Variants in LILRA2 observed in about 807,000 individuals in gnomAD.
LILRA2 encodes leukocyte immunoglobulin-like receptor subfamily A member 2.
In LILRA2, 45 loss-of-function variants were observed where a neutral mutation model predicts 47.9. That is an observed-to-expected ratio of 0.94 (90% CI 0.74 to 1.20). LILRA2 has a LOEUF of 1.20. Ranked by LOEUF, LILRA2 falls within the 50% of genes most tolerant of loss-of-function variation. LILRA2 has a pLI of 0.00. For missense variants in LILRA2, 651 were observed against 598.2 expected (o/e 1.09, Z -0.92); for synonymous variants, 279 against 249.2 (o/e 1.12, Z -1.13).
intron 6 of LILRA2, chr19:54,577,533 G>C (rs1417500308): frequency 7.8e-7 from 1 of 1,289,776 alleles, no homozygotes; most frequent in East Asian, 5.5e-5. Flanking sequence ...AAGAGAGGAG[G>C]CTGCTTGGGC....
At chr19:54,586,232 A>G (rs1306325268) in intron 6 of LILRA2, among the ~76,000 whole-genome samples, 1 of 152,214 alleles carries the variant, frequency 6.6e-6, no homozygotes, top group Non-Finnish European at 1.5e-5. Context: ...TTTTATATGT[A>G]TTCATCCATA....
chr19:54,590,110 A>G lies in LILRA2; in HGVS notation c.*2764A>G, dbSNP rs1408531855. ...AAAAATGTCAACTATTTCCTTTGCAAGTATTTATTGACTAACATACTCCTT... is the reference window on the plus strand; with the variant it reads ...AAAAATGTCAACTATTTCCTTTGCAGGTATTTATTGACTAACATACTCCTT... On this transcript the variant is annotated 3_prime_UTR_variant, in exon 8 of 8. Transcript: ENST00000391738. 2.0e-5 allele frequency: 3 copies of G among 152,228 alleles called. No homozygotes were observed. The highest frequency in any genetic ancestry group is 4.8e-5 in the African/African-American group (2 of 41,450). 9.4% of individuals were successfully genotyped at this position (152,228 alleles called of 1,614,324 possible).
intron 2 of LILRA2, 30 bp downstream of exon 2, chr19:54,574,141 C>G: frequency 1.9e-6 from 3 of 1,614,270 alleles, no homozygotes; most frequent in Non-Finnish European, 2.5e-6. Context: ...TCCCAGGTCC[C>G]TCCTCCTCAC....
At chr19:54,580,200 T>C (rs1409223031) in intron 6 of LILRA2, among the ~76,000 whole-genome samples, 1 of 141,192 alleles carries the variant, frequency 7.1e-6, no homozygotes, top group African/African-American at 2.9e-5. Context: ...TTCTTTTCTT[T>C]TTTTTTTTTT....
At chr19:54,573,718 G>C (rs2062223979), upstream of LILRA2, 1 of 1,505,332 alleles carries the variant, frequency 6.6e-7, no homozygotes, top group Admixed American at 2.1e-5. Context: ...ATGACAGCCA[G>C]GCTCCTGAGA....
rs190108086 is a variant in LILRA2 at position 54,575,952 on chromosome 19, T to A, written c.1098T>A (p.His366Gln). The A allele has an allele frequency of 1.1e-5, 18 of 1,613,838 alleles. No individual in the cohort carries two copies. Among genetic ancestry groups the A allele is most frequent in the Non-Finnish European group, 1.5e-5 (18 of 1,179,920 alleles). ...AGGGGGCAGGCCATCCCCCACTGCA[T>A]CTGAGATCAGAGCACCAAGCTCAGC... ...TKEGAGHPPL[H>Q]LRSEHQAQQN... Residue 366 changes from histidine to glutamine, a missense_variant, in exon 6 of 8, where the codon CAT becomes CAA. Transcript: ENST00000391738.
At chr19:54,585,820 A>G (rs531771873) in intron 6 of LILRA2, among the ~76,000 whole-genome samples, 11 of 152,186 alleles carry the variant, frequency 7.2e-5, no homozygotes, top group African/African-American at 2.7e-4. Context: ...ACCAGTCCCA[A>G]TGAGATAAAC....
intron 7 of LILRA2, 40 bp downstream of exon 7, chr19:54,587,100 A>G (rs760595646): frequency 6.2e-7 from 1 of 1,612,092 alleles, no homozygotes; most frequent in South Asian, 1.1e-5. Flanking sequence ...ACTGGCACAG[A>G]GGGTCAGGTC....
Position 54,575,478 on chromosome 19 carries a change from A to C in LILRA2, c.878A>C (p.Tyr293Ser), listed in dbSNP as rs1290203438. The change falls in exon 5 of 8, where the codon TAC becomes TCC. Residue 293 changes from tyrosine (Y) to serine (S), a missense_variant. Transcript: ENST00000391738. ...GPVSPSHGGQYRCYSAHNLSS... is the reference protein window; with the variant it reads ...GPVSPSHGGQSRCYSAHNLSS... ...GTGAGCCCCTCCCACGGGGGCCAGT[A>C]CAGATGCTACAGTGCACACAACCTC... The C allele has an allele frequency of 6.2e-7, 1 of 1,613,356 alleles. No individual in the cohort carries two copies. Among genetic ancestry groups the C allele is most frequent in the South Asian group, 1.1e-5 (1 of 91,032 alleles).
intron 6 of LILRA2, among the ~76,000 whole-genome samples, chr19:54,580,213 T>TTTTTTA (rs1351147526): frequency 7.0e-6 from 1 of 142,610 alleles, no homozygotes; most frequent in African/African-American, 2.8e-5. Flanking sequence ...TTTTTTTTTT[T>TTTTTTA]ATTATACTCT....
At position 54,588,054 on chromosome 19, in the gene LILRA2, A is replaced by T. The variant is rs2062862641; in HGVS notation, c.*708A>T. The T allele has an allele frequency of 6.6e-6, 1 of 152,560 alleles. No individual in the cohort carries two copies. Among genetic ancestry groups the T allele is most frequent in the African/African-American group, 2.4e-5 (1 of 41,450 alleles). 9.5% of individuals were successfully genotyped at this position (152,560 alleles called of 1,614,324 possible). ...TTCTCATGGCCCAAATCAAGGTGCCAATGGGTTCTCACTGAATACAGGGTT... is the reference window on the plus strand; with the variant it reads ...TTCTCATGGCCCAAATCAAGGTGCCTATGGGTTCTCACTGAATACAGGGTT... On this transcript the variant is annotated 3_prime_UTR_variant, in exon 8 of 8. Transcript: ENST00000391738.
rs767638124 is a variant in LILRA2 at position 54,589,029 on chromosome 19, G to T, written c.*1683G>T. ...TGGTCCAGGCACTCCTTGGCTTGGG[G>T]CAGCATCCCACCAGTTTCTGCCTCC... On this transcript the variant is annotated 3_prime_UTR_variant, in exon 8 of 8. Coordinates refer to ENST00000391738, the MANE Select transcript of LILRA2 (RefSeq NM_001130917.3). The T allele has an allele frequency of 3.9e-5, 6 of 152,128 alleles. No individual in the cohort carries two copies. Among genetic ancestry groups the T allele is most frequent in the African/African-American group, 1.4e-4 (6 of 41,386 alleles). 9.4% of individuals were successfully genotyped at this position (152,128 alleles called of 1,614,324 possible).
Position 54,575,809 on chromosome 19 carries a change from C to T in LILRA2, c.955C>T (p.Gln319Ter), listed in dbSNP as rs1259461649. Residue 319 changes from glutamine (Q) to a stop codon, truncating the protein, a stop_gained and splice_region_variant, in exon 6 of 8, where the codon CAG (glutamine) becomes TAG (stop). Coordinates refer to ENST00000391738, the MANE Select transcript of LILRA2 (RefSeq NM_001130917.3). LOFTEE classifies it high-confidence loss of function. ...SDPLDILITG[Q>*]FYDRPSLSVQ... ...TCACCCATCCTTCTTCTCTCTAGGACAGTTCTATGACAGACCCTCTCTCTC... is the reference window on the plus strand; with the variant it reads ...TCACCCATCCTTCTTCTCTCTAGGATAGTTCTATGACAGACCCTCTCTCTC... The T allele has an allele frequency of 1.2e-6, 2 of 1,613,428 alleles. No individual in the cohort carries two copies. The highest frequency in any genetic ancestry group is 3.3e-5 in the Admixed American group (2 of 59,926).
In LILRA2 at chr19:54,587,446, C is replaced by G. The variant is rs1157476620; in HGVS notation, c.*100C>G. 3 of 1,544,502 alleles carry G rather than the reference C, an allele frequency of 1.9e-6. No individual in the cohort carries two copies. Among genetic ancestry groups the G allele is most frequent in the African/African-American group, 2.7e-5 (2 of 73,116 alleles). On this transcript the variant is annotated 3_prime_UTR_variant, in exon 8 of 8. Coordinates refer to ENST00000391738, the MANE Select transcript of LILRA2 (RefSeq NM_001130917.3). ...GAGGACAATCTAGGACCTACATTATCTGGACTGTATGCTGGTCATTTCTAG... is the reference window on the plus strand; with the variant it reads ...GAGGACAATCTAGGACCTACATTATGTGGACTGTATGCTGGTCATTTCTAG...
chr19:54,585,902 C>A (rs1009476495), intron 6 of LILRA2, among the ~76,000 whole-genome samples: 3 of 152,118 alleles, frequency 2.0e-5, no homozygotes, highest in African/African-American at 2.4e-5. Flanking sequence ...ATCTTGGAAG[C>A]GACACCTATA....
intron 6 of LILRA2, among the ~76,000 whole-genome samples, chr19:54,585,837 C>T (rs969606899): frequency 1.3e-5 from 2 of 152,154 alleles, no homozygotes; most frequent in Non-Finnish European, 2.9e-5. Flanking sequence ...AAACCAGGTA[C>T]CTCAGTTGGA....
rs549059140 is a variant in LILRA2, at chr19:54,587,497, A to G, written c.*151A>G. ...AGACAGCAATCAATATTTGAGTGTAAGGAAACTGTCTGGGGTGATTCCTAG... is the reference window on the plus strand; with the variant it reads ...AGACAGCAATCAATATTTGAGTGTAGGGAAACTGTCTGGGGTGATTCCTAG... On this transcript the variant is annotated 3_prime_UTR_variant, in exon 8 of 8. Transcript: ENST00000391738. 6,332 of 1,274,000 alleles carry G rather than the reference A, an allele frequency of 5.0e-3. No individual in the cohort carries two copies. The South Asian group carries it at 0.067, about 14-fold the overall frequency. 78.9% of individuals were successfully genotyped at this position (1,274,000 alleles called of 1,614,324 possible). A position where few individuals can be genotyped will look rare whatever the true frequency, so the allele number is the denominator to read the frequency against.
At chr19:54,583,031 T>C (rs930428003) in intron 6 of LILRA2, among the ~76,000 whole-genome samples, 3 of 152,350 alleles carry the variant, frequency 2.0e-5, no homozygotes, top group African/African-American at 4.8e-5. Flanking sequence ...CATTTCATTA[T>C]TTACCCAGTA....
rs1458836862 is a variant in LILRA2 at position 54,588,226 on chromosome 19, A to C, written c.*880A>C. 6.6e-6 allele frequency: 1 copy of C among 152,228 alleles called. No homozygotes were observed. Among genetic ancestry groups the C allele is most frequent in the Non-Finnish European group, 1.5e-5 (1 of 68,052 alleles). 9.4% of individuals were successfully genotyped at this position (152,228 alleles called of 1,614,324 possible). A position where few individuals can be genotyped will look rare whatever the true frequency, so the allele number is the denominator to read the frequency against. ...TCAGTGTTATGGCACAGGTCAAATG[A>C]AATTCTGACACTGTTATCCTAGCAT... On this transcript the variant is annotated 3_prime_UTR_variant, in exon 8 of 8. Coordinates refer to ENST00000391738, the MANE Select transcript of LILRA2 (RefSeq NM_001130917.3).
Sources: allele counts gnomAD v4.1 joint callset (sites outside exome capture counted in the v4.1 genomes callset), GRCh38; gene constraint gnomAD v4.1.1; transcripts MANE v1.5; gene names NCBI Gene and HGNC (gene_info 2026-07-23, HGNC 2026-07-21).